The following REC114 variants were observed in gnomAD, a reference collection of about 807,000 sequenced individuals.
REC114 encodes the protein REC114 meiotic recombination protein.
REC114 carries 27 observed loss-of-function variants against 31.3 expected under a neutral mutation model. The observed-to-expected ratio is 0.86, with a 90% CI of 0.64 to 1.19. REC114 has a LOEUF of 1.19. Ranked by LOEUF, REC114 falls within the 50% of genes most tolerant of loss-of-function variation. REC114 has a pLI of 0.00. For missense variants in REC114, 344 were observed against 326.9 expected (o/e 1.05, Z -0.40); for synonymous variants, 134 against 127.7 (o/e 1.05, Z -0.33).
chr15:73,549,555 A>G (rs1489273406), intron 3 of REC114, among the ~76,000 whole-genome samples: 1 of 152,178 alleles, frequency 6.6e-6, no homozygotes, highest in Non-Finnish European at 1.5e-5. Flanking sequence ...ATTATTACTC[A>G]TTGAATGCCT....
chr15:73,451,273 A>G, intron 1 of REC114, among the ~76,000 whole-genome samples: 1 of 152,198 alleles, frequency 6.6e-6, no homozygotes, highest in Non-Finnish European at 1.5e-5. Flanking sequence ...AATTAAATAG[A>G]TGCAATAAAA....
intron 2 of REC114, among the ~76,000 whole-genome samples, chr15:73,500,063 G>T (rs1439678526): frequency 6.6e-6 from 1 of 151,842 alleles, no homozygotes; most frequent in Non-Finnish European, 1.5e-5. Context: ...CTTCACTGGA[G>T]TCCTCCATGA....
chr15:73,537,682 A>G (rs917530766), intron 2 of REC114, among the ~76,000 whole-genome samples: 5 of 152,248 alleles, frequency 3.3e-5, no homozygotes, highest in African/African-American at 1.2e-4. Context: ...ATAAGCATTA[A>G]GCATAACATT....
In REC114 at chr15:73,526,513, T is replaced by C. The variant is rs146960421; in HGVS notation, c.250-13972T>C. On this transcript the variant is annotated intron_variant, in intron 2 of 5. Coordinates refer to ENST00000331090, the MANE Select transcript of REC114 (RefSeq NM_001042367.2). ...CATGGCTGTTGTAGGGTTTACAATA[T>C]ACATCTCTAACTTATCACAGTCTGT... Among the ~76,000 whole-genome samples, 39 of 152,314 alleles carry C rather than the reference T, an allele frequency of 2.6e-4. No homozygotes were observed. The East Asian group carries it at 7.0e-3, about 27-fold the overall frequency.
At chr15:73,495,058 A>G (rs1238146148) in intron 2 of REC114, among the ~76,000 whole-genome samples, 2 of 152,150 alleles carry the variant, frequency 1.3e-5, no homozygotes, top group Non-Finnish European at 2.9e-5. Flanking sequence ...TCTGCTTTGT[A>G]TTTAGTATGA....
Position 73,550,958 on chromosome 15 carries a change from A to G in REC114, c.354A>G (p.Arg118=). The change falls in exon 4 of 6, where the codon CGA becomes CGG. Residue 118 remains arginine, a synonymous_variant. Transcript: ENST00000331090. The part of the protein sequence containing the change: ...TTIKDKSRLF[R]VQFSGESKEQ... Reference sequence around the variant, plus strand: ...AACAGGACAAGAGTCGCCTGTTTCGAGTACAGTTCAGTGGAGAGTCAAAGG... The same window carrying G: ...AACAGGACAAGAGTCGCCTGTTTCGGGTACAGTTCAGTGGAGAGTCAAAGG... 3 of 1,613,870 alleles carry G rather than the reference A, an allele frequency of 1.9e-6. No individual in the cohort carries two copies. Among genetic ancestry groups the G allele is most frequent in the East Asian group, 4.5e-5 (2 of 44,868 alleles).
intron 2 of REC114, among the ~76,000 whole-genome samples, chr15:73,527,305 T>G (rs1323228809): frequency 1.3e-5 from 2 of 152,240 alleles, no homozygotes; most frequent in Non-Finnish European, 2.9e-5. Flanking sequence ...TACAGATAGC[T>G]ATTCAGCCAG....
intron 5 of REC114, 142 bp downstream of exon 5, chr15:73,556,533 C>T (rs1448948935): frequency 1.5e-6 from 1 of 682,812 alleles, no homozygotes; most frequent in East Asian, 2.8e-5. Flanking sequence ...AGAGACGGGC[C>T]ATTTTCATCT....
intron 1 of REC114, among the ~76,000 whole-genome samples, chr15:73,443,865 G>A (rs1892730824): frequency 6.6e-6 from 1 of 152,084 alleles, no homozygotes; most frequent in South Asian, 2.1e-4. Flanking sequence ...TATTTACTTT[G>A]TCTTAAAATA....
chr15:73,456,029 A>G (rs1239081927), intron 1 of REC114, among the ~76,000 whole-genome samples: 1 of 152,210 alleles, frequency 6.6e-6, no homozygotes, highest in African/African-American at 2.4e-5. Flanking sequence ...AGGTAAGGCA[A>G]TCAGATTCAT....
chr15:73,526,484 C>A (rs1442000188), intron 2 of REC114, among the ~76,000 whole-genome samples: 2 of 152,096 alleles, frequency 1.3e-5, no homozygotes, highest in Non-Finnish European at 2.9e-5. Flanking sequence ...TTATCACCAC[C>A]CACCATGGCT....
chr15:73,458,953 C>T (rs1892953556), intron 1 of REC114, among the ~76,000 whole-genome samples: 1 of 152,190 alleles, frequency 6.6e-6, no homozygotes, highest in Non-Finnish European at 1.5e-5. Context: ...ACACAGTTCT[C>T]TTCTGATCTA....
intron 2 of REC114, among the ~76,000 whole-genome samples, chr15:73,482,399 T>C (rs902362533): frequency 1.3e-5 from 2 of 152,214 alleles, no homozygotes; most frequent in Non-Finnish European, 2.9e-5. Context: ...GCGACATGCC[T>C]CTTCCCCCTT....
At chr15:73,462,743 G>A (rs905821229) in intron 1 of REC114, among the ~76,000 whole-genome samples, 4 of 151,900 alleles carry the variant, frequency 2.6e-5, no homozygotes, top group Non-Finnish European at 4.4e-5. Flanking sequence ...AAATTAGCCG[G>A]GCATGGTAGC....
chr15:73,454,095 T>G (rs1341645029), intron 1 of REC114, among the ~76,000 whole-genome samples: 1 of 152,044 alleles, frequency 6.6e-6, no homozygotes, highest in Non-Finnish European at 1.5e-5. Flanking sequence ...TCTGCACATG[T>G]ACCCCAGAAC....
At chr15:73,503,891 A>G (rs1371426952) in intron 2 of REC114, among the ~76,000 whole-genome samples, 8 of 151,592 alleles carry the variant, frequency 5.3e-5, no homozygotes, top group Non-Finnish European at 1.0e-4. Flanking sequence ...TGGCTTTTCA[A>G]TTAGTTTATG....
chr15:73,557,414 TAAAAAAAAAAA>T (rs767116205), intron 5 of REC114, among the ~76,000 whole-genome samples: 2 of 113,192 alleles, frequency 1.8e-5, no homozygotes, highest in Non-Finnish European at 3.8e-5. Flanking sequence ...ATCAGTAGTT[TAAAAAAAAAAA>T]AAAAAAAAGA....
At chr15:73,558,420 C>T (rs568488680) in intron 5 of REC114, among the ~76,000 whole-genome samples, 13 of 152,244 alleles carry the variant, frequency 8.5e-5, no homozygotes, top group African/African-American at 3.1e-4. Flanking sequence ...TCCGGTGTTG[C>T]CAGATCTTCC....
chr15:73,443,228 G>A lies in REC114; in HGVS notation c.43G>A (p.Gly15Arg). 1.9e-6 allele frequency: 3 copies of A among 1,575,888 alleles called. No homozygotes were observed. The highest frequency in any genetic ancestry group is 2.6e-6 in the Non-Finnish European group (3 of 1,161,734). Reference protein sequence around the residue: ...GKVPLSLGLTGGEAAEWPLQR... With the variant: ...GKVPLSLGLTRGEAAEWPLQR... ...AGTGCCCTTGAGCCTCGGGCTTACC[G>A]GAGGAGAAGCGGCAGAGTGGCCTCT... The change falls in exon 1 of 6, where the codon GGA becomes AGA. Residue 15 changes from glycine (G) to arginine (R), a missense_variant. Transcript: ENST00000331090.
Sources: allele counts gnomAD v4.1 joint callset (sites outside exome capture counted in the v4.1 genomes callset), GRCh38; gene constraint gnomAD v4.1.1; transcripts MANE v1.5; gene names NCBI Gene and HGNC (gene_info 2026-07-23, HGNC 2026-07-21).